IQGAP2: variants seen among roughly 807,000 people sequenced by gnomAD.
The protein encoded by IQGAP2 is IQ motif containing GTPase activating protein 2.
In IQGAP2, 173 loss-of-function variants were observed where a neutral mutation model predicts 201.3. The ratio of observed to expected loss-of-function variants is 0.86; its 90% CI spans 0.76 to 0.98. The LOEUF is 0.98. Among genes scored for constraint, IQGAP2 ranks in the 50% least tolerant of loss-of-function variants. The pLI is 0.00. For synonymous variants in IQGAP2, 675 were observed against 673.9 expected, an observed-to-expected ratio of 1.00 and a Z score of -0.03; for missense variants, 1,687 against 1,864.8, an observed-to-expected ratio of 0.90 and a Z score of 1.76.
intron 2 of IQGAP2, 28 bp from the exon 3 acceptor site, chr5:76,562,368 T>C (rs1372869663): frequency 3.2e-6 from 5 of 1,565,790 alleles, no homozygotes; most frequent in Non-Finnish European, 4.4e-6. Context: ...CTGGAATCAC[T>C]TTAATATTTT....
At chr5:76,470,229 GAGA>G (rs758999430) in intron 2 of IQGAP2, among the ~76,000 whole-genome samples, 3 of 152,190 alleles carry the variant, frequency 2.0e-5, no homozygotes, top group African/African-American at 4.8e-5. Flanking sequence ...AGGCAACTGA[GAGA>G]AGAAGATGGA....
At chr5:76,577,744 A>G (rs3797376) in intron 5 of IQGAP2, among the ~76,000 whole-genome samples, 46,162 of 152,094 alleles carry the variant, frequency 0.3, 7,186 homozygotes, top group South Asian at 0.52. Context: ...ACAATCCTCT[A>G]ATAAATACAG....
At chr5:76,427,130 G>C (rs1230219317) in intron 1 of IQGAP2, among the ~76,000 whole-genome samples, 1 of 152,098 alleles carries the variant, frequency 6.6e-6, no homozygotes, top group Non-Finnish European at 1.5e-5. Flanking sequence ...TGCATTGTAG[G>C]ATGTTTAGTA....
chr5:76,664,999 G>A (rs71576999), intron 21 of IQGAP2, 27 bp from the exon 22 acceptor site: 1 of 1,284,846 alleles, frequency 7.8e-7, no homozygotes, highest in South Asian at 1.2e-5. Flanking sequence ...GAATTAAAAA[G>A]GAGTAATCTC....
At position 76,426,905 on chromosome 5, in the gene IQGAP2, G is replaced by GGGGTGTGTGTGTGTGT. The variant is rs1554054705; in HGVS notation, c.46+23315_46+23316insGGTGTGTGTGTGTGTG. Reference sequence around the variant, plus strand: ...AGCCAAGCGGGGAAAAACCATGGAGGGTGTGTGTGTGTGTGTGTGTGTGTG... The same window carrying GGGGTGTGTGTGTGTGT: ...AGCCAAGCGGGGAAAAACCATGGAGGGGGTGTGTGTGTGTGTGTGTGTGTGTGTGTGTGTGTGTGTG... On this transcript the variant is annotated intron_variant, in intron 1 of 35. Transcript: ENST00000274364. 3.1e-4 allele frequency among the ~76,000 whole-genome samples: 46 copies of GGGGTGTGTGTGTGTGT among 146,698 alleles called. 1 individual carries two copies. The highest frequency in any genetic ancestry group is 8.8e-4 in the South Asian group (4 of 4,562).
intron 30 of IQGAP2, among the ~76,000 whole-genome samples, chr5:76,686,344 TTGTTG>T (rs1479673889): frequency 9.2e-5 from 9 of 98,234 alleles, no homozygotes; most frequent in African/African-American, 2.2e-4. Context: ...GTTTTTTTTG[TTGTTG>T]TTGTTGTTGT....
intron 2 of IQGAP2, among the ~76,000 whole-genome samples, chr5:76,551,346 G>GA (rs1431150898): frequency 2.7e-5 from 4 of 150,822 alleles, no homozygotes; most frequent in African/African-American, 9.7e-5. Context: ...TGGCAGCTGG[G>GA]AAGAGGCACT....
intron 2 of IQGAP2, among the ~76,000 whole-genome samples, chr5:76,485,292 T>C (rs1166837602): frequency 6.6e-6 from 1 of 152,198 alleles, no homozygotes; most frequent in African/African-American, 2.4e-5. Flanking sequence ...TTGGAGCTCT[T>C]TTGACACATA....
At chr5:76,466,141 G>A (rs1754760137) in intron 2 of IQGAP2, among the ~76,000 whole-genome samples, 1 of 151,938 alleles carries the variant, frequency 6.6e-6, no homozygotes, top group African/African-American at 2.4e-5. Flanking sequence ...TTTGAGACCA[G>A]CCTAGGTAAT....
intron 2 of IQGAP2, among the ~76,000 whole-genome samples, chr5:76,539,215 GTC>G (rs1759791849): frequency 6.6e-6 from 1 of 152,218 alleles, no homozygotes; most frequent in Non-Finnish European, 1.5e-5. Context: ...CTGCAGTCCT[GTC>G]TCTCTGTCCA....
intron 17 of IQGAP2, among the ~76,000 whole-genome samples, chr5:76,644,295 C>CTTTTTTTTT (rs547155944): frequency 0.022 from 1,067 of 47,604 alleles, 180 homozygotes; most frequent in South Asian, 0.047. Context: ...TTTGTAAATC[C>CTTTTTTTTT]TTTTTTTTTT....
intron 4 of IQGAP2, among the ~76,000 whole-genome samples, chr5:76,571,732 C>T (rs916555337): frequency 1.3e-5 from 2 of 152,144 alleles, no homozygotes; most frequent in African/African-American, 4.8e-5. Context: ...ATTATAGAAT[C>T]ACAGGAAGTT....
At chr5:76,420,315 T>C (rs1751657443) in intron 1 of IQGAP2, among the ~76,000 whole-genome samples, 1 of 152,206 alleles carries the variant, frequency 6.6e-6, no homozygotes, top group South Asian at 2.1e-4. Context: ...GTGGACAGTT[T>C]TGTGGTATTA....
At chr5:76,626,270 C>CTTTTTTTTTTTTT (rs34251090) in intron 13 of IQGAP2, among the ~76,000 whole-genome samples, 26 of 83,656 alleles carry the variant, frequency 3.1e-4, no homozygotes, top group Admixed American at 3.6e-4. Flanking sequence ...TTCTTCTTTT[C>CTTTTTTTTTTTTT]TTTTTTTTTT....
intron 13 of IQGAP2, among the ~76,000 whole-genome samples, chr5:76,614,816 C>A (rs1748780192): frequency 6.6e-6 from 1 of 152,054 alleles, no homozygotes; most frequent in South Asian, 2.1e-4. Context: ...TGTGCCTTGT[C>A]TTCCCAAGGT....
intron 1 of IQGAP2, among the ~76,000 whole-genome samples, chr5:76,441,145 G>A (rs1007591215): frequency 6.6e-6 from 1 of 152,012 alleles, no homozygotes; most frequent in Non-Finnish European, 1.5e-5. Context: ...TCCTCATTTC[G>A]TGAGCGGAAA....
chr5:76,424,616 A>G (rs574718023), intron 1 of IQGAP2, among the ~76,000 whole-genome samples: 39 of 152,328 alleles, frequency 2.6e-4, no homozygotes, highest in Non-Finnish European at 4.3e-4. Flanking sequence ...CTATTTTTGT[A>G]AACCTCCTCA....
chr5:76,437,787 TTGGGTTGATTCCA>T (rs1317180801), intron 1 of IQGAP2, among the ~76,000 whole-genome samples: 1 of 152,212 alleles, frequency 6.6e-6, no homozygotes, highest in Admixed American at 6.5e-5. Flanking sequence ...GGGTGGGCAT[TTGGGTTGATTCCA>T]TGTCTTTGCT....
intron 2 of IQGAP2, among the ~76,000 whole-genome samples, chr5:76,512,561 A>G (rs1026856411): frequency 2.6e-5 from 4 of 152,234 alleles, no homozygotes; most frequent in Non-Finnish European, 4.4e-5. Context: ...GATACTATCT[A>G]TTGAATTAGA....
Sources: allele counts gnomAD v4.1 joint callset (sites outside exome capture counted in the v4.1 genomes callset), GRCh38; gene constraint gnomAD v4.1.1; transcripts MANE v1.5; gene names NCBI Gene and HGNC (gene_info 2026-07-23, HGNC 2026-07-21).